Variants in ACTR3C observed in about 807,000 individuals in gnomAD.
ACTR3C encodes the protein actin-related protein 3C.
Under a neutral mutation model 26.3 loss-of-function variants are expected in ACTR3C, and 18 were observed. That is an observed-to-expected ratio of 0.68 (90% confidence interval 0.47 to 1.01). The LOEUF (loss-of-function observed/expected upper bound fraction) is 1.01. Ranked by LOEUF, ACTR3C falls within the 50% of genes least tolerant of loss-of-function variation. The pLI, the probability that ACTR3C is intolerant of heterozygous loss-of-function variation, is 0.00. For missense variants in ACTR3C, 184 were observed against 250.7 expected (o/e 0.73, Z 1.80); for synonymous variants, 55 against 94.5 (o/e 0.58, Z 2.42).
At chr7:150,147,813 G>T in the ACTR3C span, among the ~76,000 whole-genome samples, 1 of 149,772 alleles carries the variant, frequency 6.7e-6, no homozygotes, top group East Asian at 2.0e-4. Context: ...AGGAGTACTG[G>T]TTATTACCAG....
At chr7:150,144,744 A>C in the ACTR3C span, among the ~76,000 whole-genome samples, 1 of 152,104 alleles carries the variant, frequency 6.6e-6, no homozygotes, top group Non-Finnish European at 1.5e-5. This position sits in a 1 kb window ranked among gnomAD's most constrained non-coding sequence, Gnocchi z 4.6. Context: ...TCTAACTGAA[A>C]CTTATTTAAA....
At chr7:149,955,316 C>G in the ACTR3C span, among the ~76,000 whole-genome samples, 4 of 152,208 alleles carry the variant, frequency 2.6e-5, no homozygotes, top group African/African-American at 9.6e-5. Context: ...AATTTAGGAA[C>G]AGGCATCACC....
chr7:149,939,184 T>C, the ACTR3C span, among the ~76,000 whole-genome samples: 1 of 152,036 alleles, frequency 6.6e-6, no homozygotes, highest in Admixed American at 6.6e-5. Flanking sequence ...TTCTCCATGT[T>C]GGTCAGGCTG....
intron 1 of ACTR3C, among the ~76,000 whole-genome samples, chr7:150,303,801 C>G (rs1388937206): frequency 1.3e-5 from 2 of 152,178 alleles, no homozygotes; most frequent in Admixed American, 6.5e-5. Context: ...TAAGACTAGT[C>G]AAGTGCAGCA....
At chr7:150,057,429 C>T in the ACTR3C span, among the ~76,000 whole-genome samples, 42 of 152,100 alleles carry the variant, frequency 2.8e-4, no homozygotes, top group Middle Eastern at 3.4e-3. Flanking sequence ...TACAGGCATG[C>T]GCCACCAGAG....
the ACTR3C span, among the ~76,000 whole-genome samples, chr7:149,960,259 T>C: frequency 5.9e-3 from 902 of 151,998 alleles, 16 homozygotes; most frequent in African/African-American, 0.021. Context: ...AGGAAGAAGA[T>C]ATGTGTTTAT....
the ACTR3C span, among the ~76,000 whole-genome samples, chr7:149,900,175 GT>G: frequency 6.6e-6 from 1 of 151,150 alleles, no homozygotes; most frequent in Non-Finnish European, 1.5e-5. Flanking sequence ...TTTTGTTTTT[GT>G]TTTTTTGGTT....
intron 6 of ACTR3C, among the ~76,000 whole-genome samples, chr7:150,254,189 C>T (rs1310407812): frequency 6.6e-6 from 1 of 152,048 alleles, no homozygotes; most frequent in African/African-American, 2.4e-5. Flanking sequence ...TTTAGAGATA[C>T]CCCATATTGA....
the ACTR3C span, among the ~76,000 whole-genome samples, chr7:149,963,074 G>A: frequency 2.1e-4 from 32 of 151,840 alleles, no homozygotes; most frequent in African/African-American, 4.1e-4. Context: ...CATGGGGGGC[G>A]TGGATGCAGC....
the ACTR3C span, among the ~76,000 whole-genome samples, chr7:149,982,827 C>T: frequency 6.6e-6 from 1 of 152,122 alleles, no homozygotes; most frequent in Admixed American, 6.5e-5. Flanking sequence ...TCATGTCATC[C>T]GCAAACAGAG....
chr7:150,310,037 A>C (rs1231570106), intron 1 of ACTR3C, among the ~76,000 whole-genome samples: 2 of 151,634 alleles, frequency 1.3e-5, no homozygotes, highest in Non-Finnish European at 2.9e-5. Context: ...AAATTCCCCC[A>C]CTCTGGTGCC....
the ACTR3C span, among the ~76,000 whole-genome samples, chr7:150,079,407 G>C: frequency 2.0e-5 from 3 of 152,184 alleles, no homozygotes; most frequent in Non-Finnish European, 2.9e-5. Context: ...CGGCTGTTGT[G>C]AGGTGCATGG....
the ACTR3C span, among the ~76,000 whole-genome samples, chr7:149,910,941 AAGTCCTGAGACTCCTC>A: frequency 2.0e-5 from 3 of 151,764 alleles, no homozygotes; most frequent in African/African-American, 7.3e-5. Flanking sequence ...GGGCAATGCC[AAGTCCTGAGACTCCTC>A]AGGCCTACAA....
At chr7:150,024,747 C>T in the ACTR3C span, among the ~76,000 whole-genome samples, 1 of 144,296 alleles carries the variant, frequency 6.9e-6, no homozygotes, top group South Asian at 2.5e-4. Context: ...TGCTCTCTTC[C>T]AGTGCTTACT....
chr7:150,193,991 G>GACACACAC, the ACTR3C span, among the ~76,000 whole-genome samples: 23 of 131,888 alleles, frequency 1.7e-4, no homozygotes, highest in Admixed American at 4.6e-4. Context: ...TACACACACA[G>GACACACAC]ACACACACAC....
the ACTR3C span, among the ~76,000 whole-genome samples, chr7:150,006,888 CAT>C: frequency 2.6e-5 from 4 of 152,210 alleles, no homozygotes; most frequent in Admixed American, 6.5e-5. Flanking sequence ...TCTCAATAGG[CAT>C]ATCCACATAT....
At chr7:149,932,180 T>C in the ACTR3C span, among the ~76,000 whole-genome samples, 2 of 152,220 alleles carry the variant, frequency 1.3e-5, no homozygotes, top group Non-Finnish European at 2.9e-5. Context: ...AGATATATTC[T>C]ATAACACGGA....
At chr7:150,259,273 A>AAAAGAAAGAAAGAAAGAAAG (rs374612383) in intron 6 of ACTR3C, among the ~76,000 whole-genome samples, 6 of 148,338 alleles carry the variant, frequency 4.0e-5, no homozygotes, top group African/African-American at 1.5e-4. Flanking sequence ...AGAAGAAAGA[A>AAAAGAAAGAAAGAAAGAAAG]AAAGAAAGAA....
At chr7:149,941,066 CCTT>C in the ACTR3C span, among the ~76,000 whole-genome samples, 3 of 152,204 alleles carry the variant, frequency 2.0e-5, no homozygotes, top group Non-Finnish European at 4.4e-5. Context: ...AAAGCCACGA[CCTT>C]CTGTCCCCTG....
Sources: allele counts gnomAD v4.1 joint callset (sites outside exome capture counted in the v4.1 genomes callset), GRCh38; gene constraint gnomAD v4.1.1; non-coding constraint Gnocchi (gnomAD v3.1); transcripts MANE v1.5; gene names NCBI Gene and HGNC (gene_info 2026-07-23, HGNC 2026-07-21).